PRR16: variants seen among roughly 807,000 people sequenced by gnomAD.
PRR16 encodes the protein proline rich 16, also known as protein Largen.
Under a neutral mutation model 18.2 loss-of-function variants are expected in PRR16, and 6 were observed. The ratio of observed to expected loss-of-function variants is 0.33; its 90% confidence interval spans 0.18 to 0.65. The LOEUF is 0.65. PRR16 is among the 30% of genes least tolerant of loss of function. The pLI, the probability that PRR16 is intolerant of heterozygous loss-of-function variation, is 0.74. For synonymous variants in PRR16, 151 were observed against 147.8 expected, an observed-to-expected ratio of 1.02 and a Z score of -0.16; for missense variants, 412 against 376.6, an observed-to-expected ratio of 1.09 and a Z score of -0.78.
At chr5:120,503,461 C>T (rs1351306934) in intron 1 of PRR16, among the ~76,000 whole-genome samples, 1 of 151,972 alleles carries the variant, frequency 6.6e-6, no homozygotes, top group Non-Finnish European at 1.5e-5. Flanking sequence ...TGCAGGGAAA[C>T]CATGGAAGTT....
intron 1 of PRR16, among the ~76,000 whole-genome samples, chr5:120,606,742 A>G (rs1300293874): frequency 6.6e-6 from 1 of 152,106 alleles, no homozygotes; most frequent in Non-Finnish European, 1.5e-5. Flanking sequence ...ATCTCTGCAG[A>G]AAATGAAAAA....
intron 1 of PRR16, among the ~76,000 whole-genome samples, chr5:120,535,879 G>T (rs915346753): frequency 6.6e-6 from 1 of 152,238 alleles, no homozygotes; most frequent in African/African-American, 2.4e-5. Flanking sequence ...GAGACAAGAG[G>T]ATGTCTTGAG....
chr5:120,772,376 TACTAC>T, the PRR16 span, among the ~76,000 whole-genome samples: 1 of 152,146 alleles, frequency 6.6e-6, no homozygotes, highest in Non-Finnish European at 1.5e-5. Context: ...CTCTTTTGTT[TACTAC>T]TGTATCTGGA....
At chr5:120,684,344 G>C (rs148070776) in intron 1 of PRR16, among the ~76,000 whole-genome samples, 2,010 of 152,258 alleles carry the variant, frequency 0.013, 13 homozygotes, top group African/African-American at 0.02. Flanking sequence ...GCCTCATGAG[G>C]AGGAAGTAAA....
chr5:120,541,615 CG>C (rs1240393644), intron 1 of PRR16, among the ~76,000 whole-genome samples: 1 of 152,134 alleles, frequency 6.6e-6, no homozygotes, highest in Non-Finnish European at 1.5e-5. Context: ...ACAGCAGATT[CG>C]GGCTTTAAAA....
chr5:120,510,665 G>C (rs1167355846), intron 1 of PRR16, among the ~76,000 whole-genome samples: 1 of 152,132 alleles, frequency 6.6e-6, no homozygotes, highest in African/African-American at 2.4e-5. Flanking sequence ...ACTTAAAAAT[G>C]ATTTAATTAC....
intron 1 of PRR16, among the ~76,000 whole-genome samples, chr5:120,618,062 C>G (rs1184647646): frequency 6.6e-6 from 1 of 152,038 alleles, no homozygotes; most frequent in Non-Finnish European, 1.5e-5. Context: ...ATGTAAGACT[C>G]TAGTTATTTT....
At chr5:120,559,632 G>A (rs1282212992) in intron 1 of PRR16, among the ~76,000 whole-genome samples, 2 of 151,612 alleles carry the variant, frequency 1.3e-5, no homozygotes, top group South Asian at 4.2e-4. Flanking sequence ...GCTGTTCTGG[G>A]TCTTTTGTAG....
chr5:120,775,914 C>G, the PRR16 span, among the ~76,000 whole-genome samples: 1 of 150,280 alleles, frequency 6.7e-6, no homozygotes, highest in Non-Finnish European at 1.5e-5. Context: ...TCCCAAAGTG[C>G]TGAGATTACA....
chr5:120,675,375 T>G (rs73261998), intron 1 of PRR16, among the ~76,000 whole-genome samples: 6,631 of 152,294 alleles, frequency 0.044, 510 homozygotes, highest in African/African-American at 0.15. Context: ...CCAATCGTGT[T>G]GTATGTGAAA....
the PRR16 span, among the ~76,000 whole-genome samples, chr5:120,758,913 C>G: frequency 6.6e-6 from 1 of 150,638 alleles, no homozygotes; most frequent in African/African-American, 2.4e-5. Flanking sequence ...AACATTCTTG[C>G]TGATACAAAT....
chr5:120,507,151 G>A (rs1750673365), intron 1 of PRR16, among the ~76,000 whole-genome samples: 1 of 151,986 alleles, frequency 6.6e-6, no homozygotes, highest in Non-Finnish European at 1.5e-5. Flanking sequence ...AATCCCTAAA[G>A]AAACTAGAAA....
chr5:120,569,209 C>T lies in PRR16; in HGVS notation c.159+104564C>T, dbSNP rs113519444. Among the ~76,000 whole-genome samples the T allele has an allele frequency of 2.1e-3, 314 of 152,160 alleles. 1 individual carries two copies. Among genetic ancestry groups the T allele is most frequent in the African/African-American group, 6.7e-3 (277 of 41,526 alleles). ...ACTTTTAACCAATTGTTTACTGTAT[C>T]GTCTGTAAGTATTAAGCCATGTTTT... On this transcript the variant is annotated intron_variant, in intron 1 of 1. Coordinates refer to ENST00000407149, the MANE Select transcript of PRR16 (RefSeq NM_001300783.2).
the PRR16 span, among the ~76,000 whole-genome samples, chr5:120,745,419 T>C: frequency 6.6e-6 from 1 of 152,176 alleles, no homozygotes; most frequent in Non-Finnish European, 1.5e-5. Flanking sequence ...CTCTTTCTCA[T>C]TATGCTCTTT....
At chr5:120,512,351 C>T (rs954594159) in intron 1 of PRR16, among the ~76,000 whole-genome samples, 1 of 152,126 alleles carries the variant, frequency 6.6e-6, no homozygotes. Context: ...GGCTGTGGTT[C>T]TGCTCCTAGC....
At chr5:120,747,775 G>A in the PRR16 span, among the ~76,000 whole-genome samples, 1 of 151,518 alleles carries the variant, frequency 6.6e-6, no homozygotes, top group African/African-American at 2.4e-5. Flanking sequence ...AGGAAGGAAG[G>A]AGAAAAAGAA....
At chr5:120,626,741 C>T (rs920541641) in intron 1 of PRR16, among the ~76,000 whole-genome samples, 3 of 151,934 alleles carry the variant, frequency 2.0e-5, no homozygotes, top group Admixed American at 2.0e-4. Context: ...AATTTTTAAA[C>T]TTATCTGTGG....
At chr5:120,559,021 C>T (rs1009454283) in intron 1 of PRR16, among the ~76,000 whole-genome samples, 7 of 151,748 alleles carry the variant, frequency 4.6e-5, no homozygotes, top group South Asian at 2.1e-4. Flanking sequence ...TGTTTGAGCT[C>T]GTTTTATGTT....
chr5:120,523,487 C>T (rs1012893338), intron 1 of PRR16, among the ~76,000 whole-genome samples: 5 of 152,102 alleles, frequency 3.3e-5, no homozygotes, highest in African/African-American at 9.7e-5. Flanking sequence ...GTATTATAAA[C>T]AGCATTTAAT....
Sources: gnomAD v4.1 joint callset for allele counts (sites outside exome capture counted in the v4.1 genomes callset) on GRCh38, gnomAD v4.1.1 for gene constraint, MANE v1.5 for transcripts, NCBI Gene and HGNC (gene_info 2026-07-23, HGNC 2026-07-21) for gene names.